EPG5: variants seen among roughly 807,000 people sequenced by gnomAD.
EPG5 encodes the protein ectopic P granules protein 5 homolog.
EPG5 carries 159 observed loss-of-function variants against 302.7 expected under a neutral mutation model. That is an observed-to-expected ratio of 0.53 (90% CI 0.46 to 0.60). The LOEUF (loss-of-function observed/expected upper bound fraction) is 0.60, where lower values mean the gene tolerates loss of function less well. Among genes scored for constraint, EPG5 ranks in the 20% least tolerant of loss-of-function variants. EPG5 has a pLI of 0.00. For synonymous variants in EPG5, 1,158 were observed against 1,136.8 expected (o/e 1.02, Z -0.37); for missense variants, 2,896 against 3,092.4 (o/e 0.94, Z 1.51).
chr18:45,805,612 A>C, the EPG5 span, among the ~76,000 whole-genome samples: 2 of 152,160 alleles, frequency 1.3e-5, no homozygotes, highest in African/African-American at 4.8e-5. Flanking sequence ...AACAAAAGTA[A>C]GATTTAAAGA....
chr18:45,875,715 C>T (rs967901480), intron 35 of EPG5, among the ~76,000 whole-genome samples: 2 of 152,040 alleles, frequency 1.3e-5, no homozygotes, highest in African/African-American at 4.8e-5. Context: ...GCAAATTTAC[C>T]ATAACTGAGA....
intron 11 of EPG5, among the ~76,000 whole-genome samples, chr18:45,932,453 G>C (rs2050414469): frequency 6.6e-6 from 1 of 152,152 alleles, no homozygotes; most frequent in Admixed American, 6.5e-5. Context: ...GTTAAAACTA[G>C]TTAAAATTTG....
chr18:45,878,032 CT>C (rs2049010479), intron 34 of EPG5, among the ~76,000 whole-genome samples: 1 of 152,172 alleles, frequency 6.6e-6, no homozygotes, highest in African/African-American at 2.4e-5. Context: ...CAAAACACAA[CT>C]GATGTAGTAG....
the EPG5 span, among the ~76,000 whole-genome samples, chr18:45,835,945 A>G: frequency 6.6e-6 from 1 of 152,230 alleles, no homozygotes; most frequent in African/African-American, 2.4e-5. Flanking sequence ...GATAGTCATG[A>G]CAAGACCCTG....
At chr18:45,904,155 A>G in intron 24 of EPG5, 38 bp from the exon 25 acceptor site, 2 of 1,592,054 alleles carry the variant, frequency 1.3e-6, no homozygotes, top group South Asian at 1.1e-5. Context: ...CTGACAGACA[A>G]GTCATAGATT....
chr18:45,872,367 A>G (rs1038513735), intron 35 of EPG5, among the ~76,000 whole-genome samples: 1 of 152,240 alleles, frequency 6.6e-6, no homozygotes, highest in Non-Finnish European at 1.5e-5. Context: ...CACACACAGT[A>G]AGAACAGAAA....
chr18:45,805,716 G>C, the EPG5 span, among the ~76,000 whole-genome samples: 1 of 152,224 alleles, frequency 6.6e-6, no homozygotes, highest in East Asian at 1.9e-4. Context: ...GCCAGAAAAA[G>C]CCAGATCATT....
At chr18:45,830,536 G>C in the EPG5 span, among the ~76,000 whole-genome samples, 1 of 150,402 alleles carries the variant, frequency 6.6e-6, no homozygotes, top group Non-Finnish European at 1.5e-5. Context: ...TCAGTTTTCT[G>C]AATACCTAAA....
chr18:45,826,280 G>A, the EPG5 span, among the ~76,000 whole-genome samples: 3 of 152,250 alleles, frequency 2.0e-5, no homozygotes, highest in East Asian at 5.8e-4. Flanking sequence ...GAATCCCAGT[G>A]GGTGAGTGGG....
chr18:45,868,256 C>A (rs996775896), intron 36 of EPG5: 2 of 447,390 alleles, frequency 4.5e-6, no homozygotes, highest in South Asian at 1.6e-5. Flanking sequence ...CCAGGTAATG[C>A]TGATGCTGCT....
At chr18:45,911,554 A>G (rs546578732) in intron 22 of EPG5, among the ~76,000 whole-genome samples, 1 of 151,842 alleles carries the variant, frequency 6.6e-6, no homozygotes, top group African/African-American at 2.4e-5. Flanking sequence ...GGCCTCCCAA[A>G]GTGCTGGGAT....
intron 11 of EPG5, among the ~76,000 whole-genome samples, chr18:45,931,346 G>A (rs1027573150): frequency 1.3e-5 from 2 of 152,160 alleles, no homozygotes; most frequent in Non-Finnish European, 2.9e-5. Context: ...CAAGAAATTA[G>A]TTATAACCGT....
chr18:45,906,622 T>C (rs1021014657), intron 24 of EPG5, among the ~76,000 whole-genome samples: 5 of 152,080 alleles, frequency 3.3e-5, no homozygotes, highest in African/African-American at 1.2e-4. Context: ...TTCCCCTATG[T>C]TTCCATAGTA....
In EPG5 at chr18:45,952,539, T is replaced by C. The variant is rs747186002; in HGVS notation, c.1113A>G (p.Lys371=). The change falls in exon 3 of 44, where the codon AAA becomes AAG. Residue 371 remains lysine, a synonymous_variant. Transcript: ENST00000282041. ...LVELKKLFDA[K]SEHLHQTLAL... ...CCAGGGTCTGGTGGAGGTGCTCAGA[T>C]TTGGCATCGAATAGCTTCTTTAGCT... The C allele has an allele frequency of 1.2e-6, 2 of 1,614,170 alleles. No homozygotes were observed. The highest frequency in any genetic ancestry group is 1.7e-6 in the Non-Finnish European group (2 of 1,180,020).
intron 36 of EPG5, 100 bp downstream of exon 36, chr18:45,870,467 G>A (rs1340517117): frequency 8.6e-6 from 9 of 1,048,722 alleles, no homozygotes; most frequent in African/African-American, 4.8e-5. Flanking sequence ...CATGGTCCAC[G>A]CTAGCACACA....
intron 11 of EPG5, among the ~76,000 whole-genome samples, chr18:45,934,150 G>C (rs550927751): frequency 6.6e-6 from 1 of 151,790 alleles, no homozygotes; most frequent in South Asian, 2.1e-4. Flanking sequence ...ATAGCCAGGC[G>C]TGATAGCGTG....
chr18:45,876,191 A>T, intron 35 of EPG5, 45 bp downstream of exon 35: 1 of 1,339,340 alleles, frequency 7.5e-7, no homozygotes. Flanking sequence ...TGACTGACTT[A>T]GGGAAAAATG....
At position 45,882,506 on chromosome 18, in the gene EPG5, A is replaced by G. The variant is rs1464439381; in HGVS notation, c.5305-19T>C. ...GATCGAACTAAAAAGAAAAAGAAACAAAAAGCCGTTTTATTTGCACTAGAA... is the reference window on the plus strand; with the variant it reads ...GATCGAACTAAAAAGAAAAAGAAACGAAAAGCCGTTTTATTTGCACTAGAA... On this transcript the variant is annotated intron_variant, in intron 30 of 43. Coordinates refer to ENST00000282041, the MANE Select transcript of EPG5 (RefSeq NM_020964.3). 2 of 1,593,024 alleles carry G rather than the reference A, an allele frequency of 1.3e-6. No individual in the cohort carries two copies. Among genetic ancestry groups the G allele is most frequent in the Admixed American group, 3.6e-5 (2 of 55,948 alleles).
the EPG5 span, among the ~76,000 whole-genome samples, chr18:45,817,217 G>T: frequency 2.0e-4 from 31 of 151,988 alleles, no homozygotes; most frequent in African/African-American, 7.3e-4. Context: ...CACCACTAAA[G>T]AACCTACTCA....
Sources: allele counts gnomAD v4.1 joint callset (sites outside exome capture counted in the v4.1 genomes callset), GRCh38; gene constraint gnomAD v4.1.1; transcripts MANE v1.5; gene names NCBI Gene and HGNC (gene_info 2026-07-23, HGNC 2026-07-21).